EEPD1: variants seen among roughly 807,000 people sequenced by gnomAD.
EEPD1 encodes the protein endonuclease/exonuclease/phosphatase family domain-containing protein 1.
In EEPD1, 17 loss-of-function variants were observed where a neutral mutation model predicts 46.3. The ratio of observed to expected loss-of-function variants is 0.37; its 90% CI spans 0.25 to 0.55. The LOEUF is 0.55. Ranked by LOEUF, EEPD1 falls within the 20% of genes least tolerant of loss-of-function variation. The probability of loss-of-function intolerance (pLI) is 0.83; values close to 1 mark genes in which losing one functional copy is unlikely to be tolerated. For missense variants in EEPD1, 673 were observed against 745.6 expected (o/e 0.90, Z 1.13); for synonymous variants, 313 against 315.6 (o/e 0.99, Z 0.09).
chr7:36,288,099 C>T (rs971715267), intron 6 of EEPD1, among the ~76,000 whole-genome samples: 1 of 152,162 alleles, frequency 6.6e-6, no homozygotes, highest in African/African-American at 2.4e-5. Context: ...GACCAGCTGC[C>T]TCGGGCATCA....
intron 4 of EEPD1, among the ~76,000 whole-genome samples, chr7:36,284,399 G>A (rs546055932): frequency 2.4e-4 from 36 of 152,356 alleles, no homozygotes; most frequent in South Asian, 8.3e-4. Context: ...TGATTCTGAA[G>A]ATATCTCTGT....
chr7:36,255,352 A>G (rs1341235037), intron 3 of EEPD1, among the ~76,000 whole-genome samples: 1 of 152,238 alleles, frequency 6.6e-6, no homozygotes, highest in East Asian at 1.9e-4. Flanking sequence ...AGTTTTCTGC[A>G]TATGGCTAGC....
At chr7:36,198,873 TTGAC>T (rs2115698121) in intron 2 of EEPD1, among the ~76,000 whole-genome samples, 1 of 152,172 alleles carries the variant, frequency 6.6e-6, no homozygotes, top group East Asian at 1.9e-4. Flanking sequence ...GGGGGCCCGA[TTGAC>T]TGCTGTGCTG....
At chr7:36,296,030 CAAAAAAAAA>C (rs34494609) in intron 6 of EEPD1, among the ~76,000 whole-genome samples, 10 of 71,954 alleles carry the variant, frequency 1.4e-4, no homozygotes, top group Admixed American at 4.5e-4. Flanking sequence ...GACTGTCTCA[CAAAAAAAAA>C]AAAAAAAAAA....
At chr7:36,162,332 T>C (rs562549154) in intron 2 of EEPD1, among the ~76,000 whole-genome samples, 3 of 152,346 alleles carry the variant, frequency 2.0e-5, no homozygotes, top group African/African-American at 7.2e-5. Flanking sequence ...GGAATCCTTC[T>C]TGCAGACTCT....
At chr7:36,156,011 A>G (rs941610590) in intron 2 of EEPD1, among the ~76,000 whole-genome samples, 5 of 152,246 alleles carry the variant, frequency 3.3e-5, no homozygotes, top group African/African-American at 1.2e-4. Context: ...AGCAAACTGT[A>G]TAATGTAATC....
chr7:36,199,652 G>A (rs2115699948), intron 2 of EEPD1, among the ~76,000 whole-genome samples: 1 of 152,276 alleles, frequency 6.6e-6, no homozygotes, highest in Non-Finnish European at 1.5e-5. Context: ...CTGAGTGACA[G>A]CATCCTCTCT....
At chr7:36,266,482 T>G (rs2095482548) in intron 3 of EEPD1, among the ~76,000 whole-genome samples, 1 of 152,148 alleles carries the variant, frequency 6.6e-6, no homozygotes, top group Non-Finnish European at 1.5e-5. Flanking sequence ...TCCTGCAAAA[T>G]CCTCAGTGTT....
chr7:36,158,353 A>T (rs1784855732), intron 2 of EEPD1, among the ~76,000 whole-genome samples: 1 of 149,674 alleles, frequency 6.7e-6, no homozygotes, highest in African/African-American at 2.4e-5. Context: ...AGCCAGTCAC[A>T]GTGTCTTAAA....
intron 3 of EEPD1, among the ~76,000 whole-genome samples, chr7:36,266,625 A>G (rs1787023260): frequency 6.6e-6 from 1 of 152,236 alleles, no homozygotes. Flanking sequence ...TAAACAATTC[A>G]GCGGCATTTA....
intron 3 of EEPD1, among the ~76,000 whole-genome samples, chr7:36,253,394 C>T (rs196550): frequency 0.24 from 36,044 of 152,048 alleles, 4,455 homozygotes; most frequent in East Asian, 0.38. Context: ...GTTCCATGTG[C>T]ACTTCAGAAA....
chr7:36,245,155 C>A (rs184276767), intron 3 of EEPD1, among the ~76,000 whole-genome samples: 1 of 152,234 alleles, frequency 6.6e-6, no homozygotes. Flanking sequence ...ACCATGTTGG[C>A]CAGGCTGGTC....
At chr7:36,273,168 G>A (rs1350877560) in intron 3 of EEPD1, among the ~76,000 whole-genome samples, 2 of 137,706 alleles carry the variant, frequency 1.5e-5, no homozygotes, top group Admixed American at 1.5e-4. Context: ...ACACTCACGG[G>A]TCGATTGGTT....
At chr7:36,284,629 T>C in intron 4 of EEPD1, 57 bp from the exon 5 acceptor site, 1 of 1,573,162 alleles carries the variant, frequency 6.4e-7, no homozygotes, top group African/African-American at 1.4e-5. Flanking sequence ...TCTGCCTCCT[T>C]TCCCCAGGTG....
At chr7:36,257,483 T>A (rs986526861) in intron 3 of EEPD1, among the ~76,000 whole-genome samples, 5 of 152,214 alleles carry the variant, frequency 3.3e-5, no homozygotes, top group African/African-American at 1.2e-4. Context: ...TTTGGTCTTT[T>A]CACATAGTCC....
intron 2 of EEPD1, among the ~76,000 whole-genome samples, chr7:36,207,963 A>G (rs983984451): frequency 2.1e-5 from 3 of 143,080 alleles, no homozygotes; most frequent in African/African-American, 7.8e-5. Flanking sequence ...GCCATTGGCC[A>G]CCACTAGGGC....
intron 3 of EEPD1, among the ~76,000 whole-genome samples, chr7:36,276,805 A>G (rs1050619117): frequency 6.6e-6 from 1 of 152,188 alleles, no homozygotes; most frequent in African/African-American, 2.4e-5. Flanking sequence ...CACCAATCCA[A>G]GGTTTTAAAA....
intron 2 of EEPD1, among the ~76,000 whole-genome samples, chr7:36,211,682 T>C (rs545802828): frequency 1.3e-5 from 2 of 152,264 alleles, no homozygotes; most frequent in African/African-American, 4.8e-5. Flanking sequence ...CCCAGCACTT[T>C]GGGAGGCCAA....
intron 3 of EEPD1, among the ~76,000 whole-genome samples, chr7:36,276,396 C>T (rs1360718953): frequency 6.6e-6 from 1 of 152,164 alleles, no homozygotes; most frequent in Non-Finnish European, 1.5e-5. Flanking sequence ...ATTGGTAGCT[C>T]TTATAACTGA....
Sources: allele counts gnomAD v4.1 joint callset (sites outside exome capture counted in the v4.1 genomes callset), GRCh38; gene constraint gnomAD v4.1.1; transcripts MANE v1.5; gene names NCBI Gene and HGNC (gene_info 2026-07-23, HGNC 2026-07-21).